ROBO1: variants seen among roughly 807,000 people sequenced by gnomAD.
ROBO1 encodes the protein roundabout homolog 1.
ROBO1 carries 149 observed loss-of-function variants against 195.9 expected under a neutral mutation model. That is an observed-to-expected ratio of 0.76 (90% CI 0.67 to 0.87). The LOEUF (loss-of-function observed/expected upper bound fraction) is 0.87, where lower values mean the gene tolerates loss of function less well. Among genes scored for constraint, ROBO1 ranks in the 40% least tolerant of loss-of-function variants. ROBO1 has a pLI of 0.00. For missense variants in ROBO1, 1,933 were observed against 2,068.3 expected (o/e 0.93, Z 1.27); for synonymous variants, 816 against 733.2 (o/e 1.11, Z -1.82).
intron 2 of ROBO1, among the ~76,000 whole-genome samples, chr3:79,140,041 G>GGAAGAAATAGAATCCCTTTTGTAGATGTA (rs1158081821): frequency 1.6e-4 from 24 of 152,240 alleles, no homozygotes; most frequent in African/African-American, 5.8e-4. Context: ...TGGGGAATCA[G>GGAAGAAATAGAATCCCTTTTGTAGATGTA]GAAGAAATAG....
intron 1 of ROBO1, among the ~76,000 whole-genome samples, chr3:79,733,898 G>C (rs929366196): frequency 3.3e-5 from 5 of 150,906 alleles, no homozygotes; most frequent in Admixed American, 2.6e-4. Flanking sequence ...CACTGGTCTG[G>C]CTTATTACCT....
chr3:78,675,898 C>T (rs1393288580), intron 10 of ROBO1, among the ~76,000 whole-genome samples: 13 of 152,056 alleles, frequency 8.5e-5, no homozygotes, highest in Non-Finnish European at 1.3e-4. Context: ...CCCCTGACCC[C>T]CGAGCAGCCT....
At chr3:78,721,531 T>C (rs1425746289) in intron 5 of ROBO1, among the ~76,000 whole-genome samples, 1 of 152,152 alleles carries the variant, frequency 6.6e-6, no homozygotes, top group Non-Finnish European at 1.5e-5. Flanking sequence ...GAAAGAATTG[T>C]ACAATGATAC....
intron 2 of ROBO1, among the ~76,000 whole-genome samples, chr3:79,339,277 CA>C (rs1173830674): frequency 6.6e-6 from 1 of 152,130 alleles, no homozygotes; most frequent in Admixed American, 6.6e-5. Context: ...GTCTTTTGCT[CA>C]AAGTTTCATT....
intron 2 of ROBO1, among the ~76,000 whole-genome samples, chr3:79,376,925 A>C (rs976457498): frequency 6.6e-6 from 1 of 152,174 alleles, no homozygotes; most frequent in East Asian, 1.9e-4. Flanking sequence ...TTCTCCTACC[A>C]CTTCAACTTT....
chr3:79,757,900 A>G (rs1180597269), intron 1 of ROBO1, among the ~76,000 whole-genome samples: 1 of 152,204 alleles, frequency 6.6e-6, no homozygotes, highest in Non-Finnish European at 1.5e-5. Context: ...TTGTGGTTGA[A>G]TATTTAAAGA....
intron 2 of ROBO1, among the ~76,000 whole-genome samples, chr3:79,202,488 C>T (rs2081784876): frequency 6.6e-6 from 1 of 151,584 alleles, no homozygotes; most frequent in African/African-American, 2.4e-5. Context: ...CATCAGCGAT[C>T]GTGAACAAAC....
chr3:79,531,260 CTACT>C (rs1255956268), intron 2 of ROBO1, among the ~76,000 whole-genome samples: 1 of 152,042 alleles, frequency 6.6e-6, no homozygotes, highest in African/African-American at 2.4e-5. Context: ...TACTGAGCAC[CTACT>C]AATTTATATT....
intron 2 of ROBO1, among the ~76,000 whole-genome samples, chr3:79,343,421 C>T (rs998922688): frequency 2.6e-5 from 4 of 152,078 alleles, no homozygotes; most frequent in Non-Finnish European, 5.9e-5. Flanking sequence ...TCTAAAGTGA[C>T]TGCATACGTT....
intron 2 of ROBO1, among the ~76,000 whole-genome samples, chr3:79,586,225 T>C (rs1943826344): frequency 1.3e-5 from 2 of 152,002 alleles, no homozygotes; most frequent in Admixed American, 1.3e-4. Context: ...GGGGGTTGTA[T>C]GTATATTCAT....
chr3:78,868,285 A>T (rs2035305637), intron 4 of ROBO1, among the ~76,000 whole-genome samples: 1 of 152,146 alleles, frequency 6.6e-6, no homozygotes, highest in Non-Finnish European at 1.5e-5. Context: ...CATACTCAGT[A>T]ACAAGATTAC....
At chr3:78,786,472 C>T (rs1433843905) in intron 4 of ROBO1, among the ~76,000 whole-genome samples, 1 of 152,096 alleles carries the variant, frequency 6.6e-6, no homozygotes, top group East Asian at 1.9e-4. Flanking sequence ...ATGACCCTCC[C>T]TCATGATTCA....
chr3:78,992,707 TG>T (rs572641206), intron 3 of ROBO1, among the ~76,000 whole-genome samples: 172 of 152,284 alleles, frequency 1.1e-3, no homozygotes, highest in African/African-American at 4.0e-3. Flanking sequence ...GTGTCAACTT[TG>T]TCTTAAAGGC....
At position 78,606,961 on chromosome 3, in the gene ROBO1, C is replaced by A. The variant is rs765249988; in HGVS notation, c.4516G>T (p.Val1506Leu). ...QSKTQLEVRPVVVPKLPSMDA... is the reference protein window; with the variant it reads ...QSKTQLEVRPLVVPKLPSMDA... ...ATAGAAGGGAGTTTTGGCACCACTA[C>A]AGGTCGTACTTCCAGCTGTGTCTTG... Residue 1506 changes from valine to leucine, a missense_variant, in exon 29 of 31, where the codon GTA (valine) becomes TTA (leucine). Val to Leu is a conservative substitution (Grantham distance 32). This residue lies in a region of ROBO1 where 1,737 missense variants were observed against 1,882.5 expected (regional missense o/e 0.92). Transcript: ENST00000464233. The A allele has an allele frequency of 1.2e-6, 2 of 1,613,880 alleles. No individual in the cohort carries two copies. The highest frequency in any genetic ancestry group is 2.2e-5 in the South Asian group (2 of 91,080).
chr3:78,768,718 G>T (rs2083290922), intron 4 of ROBO1, among the ~76,000 whole-genome samples: 1 of 151,422 alleles, frequency 6.6e-6, no homozygotes. Context: ...AGTTACATAT[G>T]TATACATGTG....
intron 3 of ROBO1, among the ~76,000 whole-genome samples, chr3:79,043,840 T>G (rs1188324133): frequency 6.6e-6 from 1 of 152,138 alleles, no homozygotes; most frequent in African/African-American, 2.4e-5. Flanking sequence ...CAAGATTTGC[T>G]CTCTATGTCT....
At chr3:79,389,611 G>A (rs2036875716) in intron 2 of ROBO1, among the ~76,000 whole-genome samples, 1 of 152,176 alleles carries the variant, frequency 6.6e-6, no homozygotes, top group South Asian at 2.1e-4. Flanking sequence ...CAGCCATCAG[G>A]ATTGGTCACT....
chr3:79,218,651 T>C (rs1469701629), intron 2 of ROBO1, among the ~76,000 whole-genome samples: 1 of 151,986 alleles, frequency 6.6e-6, no homozygotes, highest in East Asian at 1.9e-4. Context: ...AGTGTTACAG[T>C]TGAAGGTTTT....
intron 3 of ROBO1, among the ~76,000 whole-genome samples, chr3:79,059,234 T>A (rs1272087493): frequency 6.6e-6 from 1 of 152,072 alleles, no homozygotes; most frequent in Non-Finnish European, 1.5e-5. Flanking sequence ...TGGACATAAC[T>A]AAATTAAAGA....
Sources: gnomAD v4.1 joint callset for allele counts (sites outside exome capture counted in the v4.1 genomes callset) on GRCh38, gnomAD v4.1.1 for gene constraint, gnomAD v4.1.1 regional missense constraint, MANE v1.5 for transcripts, NCBI Gene and HGNC (gene_info 2026-07-23, HGNC 2026-07-21) for gene names.